Variants in DIAPH2 observed in about 807,000 individuals in gnomAD.
The protein encoded by DIAPH2 is protein diaphanous homolog 2.
DIAPH2 carries 35 observed loss-of-function variants against 92.7 expected under a neutral mutation model. The ratio of observed to expected loss-of-function variants is 0.38; its 90% confidence interval spans 0.29 to 0.50. The LOEUF (loss-of-function observed/expected upper bound fraction) is 0.50. Ranked by LOEUF, DIAPH2 falls within the 20% of genes least tolerant of loss-of-function variation. The pLI is 0.94. For synonymous variants in DIAPH2, 301 were observed against 280.4 expected (o/e 1.07, Z -0.73); for missense variants, 701 against 819.5 (o/e 0.86, Z 1.77).
At chrX:97,077,768 AT>A (rs2066715239) in intron 19 of DIAPH2, among the ~76,000 whole-genome samples, 1 of 112,425 alleles carries the variant, frequency 8.9e-6, no homozygotes, top group Non-Finnish European at 1.9e-5. Flanking sequence ...ATCAATTTTC[AT>A]TTTATTTCAA....
chrX:97,129,399 G>A (rs780170159), intron 21 of DIAPH2, among the ~76,000 whole-genome samples: 276 of 109,398 alleles, frequency 2.5e-3, no homozygotes, highest in Middle Eastern at 4.7e-3. Flanking sequence ...ACTCCTGACC[G>A]CGTGATCCAC....
At position 96,942,265 on chromosome X, in the gene DIAPH2, C is replaced by G. The variant is rs140274518; in HGVS notation, c.1444+129C>G. The G allele has an allele frequency of 8.6e-5, 40 of 465,297 alleles. 1 individual carries two copies. The African/African-American group carries it at 9.4e-4, about 11-fold the overall frequency. The allele number at this position is 465,297 out of a possible 1,213,427, so 38.3% of individuals were successfully genotyped here. On this transcript the variant is annotated intron_variant, in intron 13 of 26. Coordinates refer to ENST00000324765, the MANE Select transcript of DIAPH2 (RefSeq NM_006729.5). ...GAACTTCTATTCATATCTGGTAAAT[C>G]ATTGTGTCTCTGGGCACTCAATTGC...
At chrX:97,258,309 C>T (rs1273572858) in intron 23 of DIAPH2, among the ~76,000 whole-genome samples, 5 of 112,469 alleles carry the variant, frequency 4.4e-5, no homozygotes, top group African/African-American at 1.6e-4. Context: ...TGCAGTGGCT[C>T]ATACCTGTAA....
intron 21 of DIAPH2, among the ~76,000 whole-genome samples, chrX:97,123,940 TAGAA>T (rs1401498726): frequency 8.9e-6 from 1 of 112,508 alleles, no homozygotes; most frequent in Non-Finnish European, 1.9e-5. Flanking sequence ...ACTACTTAAG[TAGAA>T]AGAAAACTTG....
intron 4 of DIAPH2, among the ~76,000 whole-genome samples, chrX:96,826,561 C>T (rs918750278): frequency 1.1e-4 from 12 of 110,854 alleles, no homozygotes; most frequent in Non-Finnish European, 1.9e-4. Context: ...CACCCTTTTA[C>T]GTTATCTGTG....
At chrX:97,203,132 G>A (rs2067767033) in intron 22 of DIAPH2, among the ~76,000 whole-genome samples, 1 of 111,859 alleles carries the variant, frequency 8.9e-6, no homozygotes, top group Non-Finnish European at 1.9e-5. Flanking sequence ...TGAGAACAAG[G>A]AGACAGTGTA....
intron 4 of DIAPH2, among the ~76,000 whole-genome samples, chrX:96,856,387 A>G (rs1310588523): frequency 1.8e-5 from 2 of 109,412 alleles, no homozygotes; most frequent in Admixed American, 2.0e-4. Flanking sequence ...GGTTAAATAA[A>G]TTGTATGCCT....
intron 4 of DIAPH2, among the ~76,000 whole-genome samples, chrX:96,818,891 G>T (rs910771488): frequency 8.9e-6 from 1 of 112,707 alleles, no homozygotes. Context: ...GACGGGCGGG[G>T]TGCGGGGATG....
intron 22 of DIAPH2, among the ~76,000 whole-genome samples, chrX:97,196,755 T>G (rs1182246742): frequency 9.0e-6 from 1 of 110,809 alleles, no homozygotes; most frequent in Non-Finnish European, 1.9e-5. Context: ...TTGGAAAATG[T>G]AAATGAAAAA....
At chrX:96,887,227 A>T (rs1181789739) in intron 5 of DIAPH2, among the ~76,000 whole-genome samples, 3 of 112,050 alleles carry the variant, frequency 2.7e-5, no homozygotes, top group African/African-American at 9.7e-5. Context: ...GGATTGTTTT[A>T]TACATGTATA....
intron 22 of DIAPH2, among the ~76,000 whole-genome samples, chrX:97,148,779 A>C (rs2067264207): frequency 3.6e-5 from 4 of 112,146 alleles, no homozygotes; most frequent in African/African-American, 1.3e-4. Context: ...ATAGAGAGTA[A>C]CAGTCTGAAA....
chrX:97,063,398 C>T (rs1228131532), intron 17 of DIAPH2, among the ~76,000 whole-genome samples: 1 of 111,987 alleles, frequency 8.9e-6, no homozygotes. Context: ...CAGTATGTCC[C>T]AAGTGAAACA....
chrX:97,508,486 G>T lies in DIAPH2; in HGVS notation c.3241+78741G>T, dbSNP rs148335557. ...AATGAGATTACACATCTAGTATAGA[G>T]AATGGATAGAAATTTTAATAGACCT... is the stretch of plus-strand genomic sequence containing the variant. On this transcript the variant is annotated intron_variant, in intron 26 of 26. Coordinates refer to ENST00000324765, the MANE Select transcript of DIAPH2 (RefSeq NM_006729.5). Among the ~76,000 whole-genome samples the T allele has an allele frequency of 2.4e-4, 27 of 112,443 alleles. No individual in the cohort carries two copies. The East Asian group carries it at 6.7e-3, about 28-fold the overall frequency.
At position 97,375,348 on chromosome X, in the gene DIAPH2, C is replaced by T. The variant is rs774719420; in HGVS notation, c.3010-8561C>T. Among the ~76,000 whole-genome samples, 20 of 110,575 alleles carry T rather than the reference C, an allele frequency of 1.8e-4. 1 individual carries two copies. The highest frequency in any genetic ancestry group is 3.0e-4 in the Non-Finnish European group (16 of 52,861). On this transcript the variant is annotated intron_variant, in intron 24 of 26. Transcript: ENST00000324765. Reference sequence around the variant, plus strand: ...GTGGGCACCTGTAATCCCAGCTACTCGGGAGGCTGAGGCAGGAGAGTTGCT... The same window carrying T: ...GTGGGCACCTGTAATCCCAGCTACTTGGGAGGCTGAGGCAGGAGAGTTGCT...
At chrX:97,190,993 C>A (rs1373781724) in intron 22 of DIAPH2, among the ~76,000 whole-genome samples, 1 of 110,187 alleles carries the variant, frequency 9.1e-6, no homozygotes, top group African/African-American at 3.3e-5. Context: ...TGTGCAGTAG[C>A]CCCCTCTTTC....
At chrX:97,245,234 G>T (rs990730960) in intron 22 of DIAPH2, among the ~76,000 whole-genome samples, 2 of 110,728 alleles carry the variant, frequency 1.8e-5, no homozygotes, top group Non-Finnish European at 3.8e-5. Flanking sequence ...GAGCTCCCAG[G>T]CTCAAGCGAT....
chrX:97,305,824 C>CAAAAAAAAAAAAAAAAAAAAAAA (rs754094514), intron 23 of DIAPH2, among the ~76,000 whole-genome samples: 4 of 49,223 alleles, frequency 8.1e-5, no homozygotes, highest in African/African-American at 3.0e-4. Context: ...ACTCCTTCTC[C>CAAAAAAAAAAAAAAAAAAAAAAA]AAAAAAAAAA....
At chrX:97,373,921 CA>C (rs767013086) in intron 24 of DIAPH2, among the ~76,000 whole-genome samples, 235 of 110,698 alleles carry the variant, frequency 2.1e-3, no homozygotes, top group African/African-American at 7.0e-3. Context: ...TACTTAAGAG[CA>C]GAAGGAACGC....
chrX:97,524,915 C>T (rs1286927409), intron 26 of DIAPH2, among the ~76,000 whole-genome samples: 1 of 112,274 alleles, frequency 8.9e-6, no homozygotes, highest in Non-Finnish European at 1.9e-5. Context: ...GAACTTAAGG[C>T]TTGCATAATG....
Sources: gnomAD v4.1 joint callset for allele counts (sites outside exome capture counted in the v4.1 genomes callset) on GRCh38, gnomAD v4.1.1 for gene constraint, MANE v1.5 for transcripts, NCBI Gene and HGNC (gene_info 2026-07-23, HGNC 2026-07-21) for gene names.